The following CSMD1 variants were observed in gnomAD, a reference collection of about 807,000 sequenced individuals.
CSMD1 encodes the protein CUB and Sushi multiple domains 1.
A neutral mutation model predicts 417.5 loss-of-function variants in CSMD1; 213 were observed. The ratio of observed to expected loss-of-function variants is 0.51; its 90% CI spans 0.46 to 0.57. The LOEUF is 0.57. Among genes scored for constraint, CSMD1 ranks in the 20% least tolerant of loss-of-function variants. The probability of loss-of-function intolerance (pLI) is 0.00; values close to 1 mark genes in which losing one functional copy is unlikely to be tolerated. For synonymous variants in CSMD1, 2,862 were observed against 1,736.8 expected (o/e 1.65, Z -16.11); for missense variants, 6,923 against 4,529.7 (o/e 1.53, Z -15.17).
intron 1 of CSMD1, among the ~76,000 whole-genome samples, chr8:4,838,158 C>A (rs1309984542): frequency 6.6e-6 from 1 of 152,110 alleles, no homozygotes; most frequent in Non-Finnish European, 1.5e-5. Flanking sequence ...TAGCTTTCTG[C>A]TACTTGTGGA....
chr8:3,108,114 C>G (rs1281680782), intron 44 of CSMD1, among the ~76,000 whole-genome samples: 1 of 152,170 alleles, frequency 6.6e-6, no homozygotes, highest in East Asian at 1.9e-4. Context: ...GCTCCCTGTC[C>G]ATGTGCAGAT....
intron 4 of CSMD1, among the ~76,000 whole-genome samples, chr8:4,031,430 G>T (rs187639909): frequency 6.6e-6 from 1 of 152,094 alleles, no homozygotes; most frequent in East Asian, 1.9e-4. Flanking sequence ...AAAACCATCA[G>T]ATCTCATAAG....
chr8:4,474,071 ATG>A (rs1240403489), intron 2 of CSMD1, among the ~76,000 whole-genome samples: 1 of 152,196 alleles, frequency 6.6e-6, no homozygotes, highest in Non-Finnish European at 1.5e-5. Context: ...CAAACGTATA[ATG>A]TATGCAATTA....
chr8:4,099,219 C>A (rs977292296), intron 3 of CSMD1, among the ~76,000 whole-genome samples: 5 of 151,846 alleles, frequency 3.3e-5, no homozygotes, highest in Non-Finnish European at 7.4e-5. Flanking sequence ...CACACACACA[C>A]ACACCATTTC....
chr8:2,966,708 T>C lies in CSMD1; in HGVS notation c.8962A>G (p.Met2988Val), dbSNP rs768640645. 3.1e-6 allele frequency: 5 copies of C among 1,613,810 alleles called. No homozygotes were observed. Among genetic ancestry groups the C allele is most frequent in the South Asian group, 2.2e-5 (2 of 91,008 alleles). The change falls in exon 58 of 70, where the codon ATG becomes GTG. Residue 2988 changes from methionine to valine, a missense_variant. By Grantham distance (21) the Met-to-Val change is conservative. Transcript: ENST00000635120. ...AGAATGCCATCACTACTGACAATCA[T>C]TCCGTTGGTGGGTGTGCCAGGGTTG... ...CGNPGTPTNGMIVSSDGILFS... is the reference protein window; with the variant it reads ...CGNPGTPTNGVIVSSDGILFS...
chr8:4,994,198 G>T, intron 1 of CSMD1, 134 bp downstream of exon 1: 1 of 733,830 alleles, frequency 1.4e-6, no homozygotes, highest in Non-Finnish European at 2.2e-6. Context: ...CGTTCCCCGA[G>T]CTTCGGCGAT....
chr8:4,434,642 G>C (rs769956524), intron 2 of CSMD1, among the ~76,000 whole-genome samples: 9 of 152,140 alleles, frequency 5.9e-5, no homozygotes, highest in Admixed American at 1.3e-4. Flanking sequence ...GTAACAACTG[G>C]GAAGACATAT....
chr8:4,800,787 T>G (rs1312415758), intron 1 of CSMD1, among the ~76,000 whole-genome samples: 3 of 152,132 alleles, frequency 2.0e-5, no homozygotes, highest in Non-Finnish European at 4.4e-5. Context: ...ACCTAGGAGG[T>G]GGGTTTCGGG....
At chr8:4,699,609 CATTT>C (rs1807379533) in intron 1 of CSMD1, among the ~76,000 whole-genome samples, 1 of 152,110 alleles carries the variant, frequency 6.6e-6, no homozygotes, top group Non-Finnish European at 1.5e-5. Flanking sequence ...GAGCTCTTGG[CATTT>C]ATTTGTTGAG....
intron 1 of CSMD1, among the ~76,000 whole-genome samples, chr8:4,849,725 A>G (rs149318443): frequency 0.01 from 1,566 of 152,302 alleles, 15 homozygotes; most frequent in Non-Finnish European, 0.016. Context: ...AACAGGCTAT[A>G]CCATACATCC....
intron 1 of CSMD1, among the ~76,000 whole-genome samples, chr8:4,942,141 T>A (rs1191376144): frequency 6.6e-6 from 1 of 152,166 alleles, no homozygotes; most frequent in Non-Finnish European, 1.5e-5. Context: ...AAGTATAATA[T>A]ACTCCCTATT....
At chr8:4,065,367 G>C (rs1157128226) in intron 3 of CSMD1, among the ~76,000 whole-genome samples, 5 of 152,178 alleles carry the variant, frequency 3.3e-5, no homozygotes, top group East Asian at 1.9e-4. Flanking sequence ...TGGATAGTTA[G>C]TAAAAGTTTA....
At chr8:3,726,220 G>A (rs921746557) in intron 6 of CSMD1, among the ~76,000 whole-genome samples, 17 of 152,258 alleles carry the variant, frequency 1.1e-4, no homozygotes, top group East Asian at 3.9e-4. Flanking sequence ...GCCCCAGCCA[G>A]CATTGACTGT....
At chr8:4,393,768 G>C (rs937612576) in intron 3 of CSMD1, among the ~76,000 whole-genome samples, 2 of 152,152 alleles carry the variant, frequency 1.3e-5, no homozygotes, top group Non-Finnish European at 2.9e-5. Context: ...CTTAAAAACA[G>C]AAAAAGCTGC....
intron 5 of CSMD1, among the ~76,000 whole-genome samples, chr8:3,802,431 A>T (rs574939885): frequency 1.3e-5 from 2 of 152,170 alleles, no homozygotes; most frequent in Non-Finnish European, 2.9e-5. Flanking sequence ...TATTCTTTAG[A>T]CATTTTTTTC....
chr8:4,812,558 T>G (rs1798969826), intron 1 of CSMD1, among the ~76,000 whole-genome samples: 1 of 152,166 alleles, frequency 6.6e-6, no homozygotes, highest in Non-Finnish European at 1.5e-5. Context: ...ATATACCACA[T>G]GAATTTATCA....
chr8:3,548,455 T>G (rs2116759845), intron 10 of CSMD1, among the ~76,000 whole-genome samples: 1 of 152,032 alleles, frequency 6.6e-6, no homozygotes, highest in South Asian at 2.1e-4. Flanking sequence ...CTTCCCACCC[T>G]TTCTGCCTGA....
At chr8:3,867,804 T>C (rs1448436891) in intron 5 of CSMD1, among the ~76,000 whole-genome samples, 3 of 152,080 alleles carry the variant, frequency 2.0e-5, no homozygotes, top group African/African-American at 4.8e-5. Flanking sequence ...ATGACTCACA[T>C]TCCAACTGAC....
At chr8:4,843,169 G>A (rs899766351) in intron 1 of CSMD1, among the ~76,000 whole-genome samples, 2 of 152,118 alleles carry the variant, frequency 1.3e-5, no homozygotes, top group African/African-American at 4.8e-5. Context: ...TTCTTCCTGG[G>A]CAGGAACATT....
Sources: gnomAD v4.1 joint callset for allele counts (sites outside exome capture counted in the v4.1 genomes callset) on GRCh38, gnomAD v4.1.1 for gene constraint, MANE v1.5 for transcripts, NCBI Gene and HGNC (gene_info 2026-07-23, HGNC 2026-07-21) for gene names.